The following PDE8B variants were observed in gnomAD, a reference collection of about 807,000 sequenced individuals.
PDE8B encodes the protein phosphodiesterase 8B, also known as high affinity cAMP-specific and IBMX-insensitive 3',5'-cyclic phosphodiesterase 8B.
In PDE8B, 26 loss-of-function variants were observed where a neutral mutation model predicts 101.3. That is an observed-to-expected ratio of 0.26 (90% CI 0.19 to 0.36). The LOEUF (loss-of-function observed/expected upper bound fraction) is 0.36, where lower values mean the gene tolerates loss of function less well. Ranked by LOEUF, PDE8B falls within the 10% of genes least tolerant of loss-of-function variation. PDE8B has a pLI of 1.00. For missense variants in PDE8B, 810 were observed against 1,163.1 expected (o/e 0.70, Z 4.42); for synonymous variants, 424 against 429.3 (o/e 0.99, Z 0.15).
chr5:77,386,328 T>G (rs2150862836), intron 10 of PDE8B, among the ~76,000 whole-genome samples: 1 of 152,330 alleles, frequency 6.6e-6, no homozygotes, highest in East Asian at 1.9e-4. Flanking sequence ...GTCCTGCATA[T>G]CCTTGTTAAT....
intron 1 of PDE8B, among the ~76,000 whole-genome samples, chr5:77,255,682 C>T (rs777479517): frequency 2.6e-5 from 4 of 152,204 alleles, no homozygotes; most frequent in Admixed American, 6.5e-5. Context: ...GCATTGCAGG[C>T]GGAGGTCAGT....
At chr5:77,088,176 T>A in the PDE8B span, 1 of 152,220 alleles carries the variant, frequency 6.6e-6, no homozygotes, top group African/African-American at 2.4e-5. Flanking sequence ...AAACCCCTTA[T>A]GGGAGGTGGA....
At chr5:77,176,104 G>A in the PDE8B span, among the ~76,000 whole-genome samples, 1 of 152,068 alleles carries the variant, frequency 6.6e-6, no homozygotes, top group Non-Finnish European at 1.5e-5. Context: ...CCATATCTTT[G>A]CTTGTTGAGT....
At chr5:77,149,184 A>G in the PDE8B span, among the ~76,000 whole-genome samples, 1 of 152,160 alleles carries the variant, frequency 6.6e-6, no homozygotes, top group African/African-American at 2.4e-5. Flanking sequence ...CATAAATGCA[A>G]GCGTTTATAT....
At chr5:77,423,652 T>TTTTTTTTTTTTTTTTTTTTTTTTTTG in intron 20 of PDE8B, among the ~76,000 whole-genome samples, 1 of 134,564 alleles carries the variant, frequency 7.4e-6, no homozygotes. Context: ...TTTTTTTTTT[T>TTTTTTTTTTTTTTTTTTTTTTTTTTG]TTTTTTTGAG....
chr5:77,334,561 T>C (rs1777758327), intron 5 of PDE8B, among the ~76,000 whole-genome samples: 2 of 152,224 alleles, frequency 1.3e-5, no homozygotes. Flanking sequence ...CAGTTCTCTG[T>C]GGAGAGGCCT....
the PDE8B span, among the ~76,000 whole-genome samples, chr5:77,156,903 G>A: frequency 3.9e-5 from 6 of 152,282 alleles, no homozygotes; most frequent in African/African-American, 1.4e-4. Flanking sequence ...ACAGGCTGGA[G>A]GATGGGAGAA....
chr5:77,233,833 G>A (rs899614332), intron 1 of PDE8B, among the ~76,000 whole-genome samples: 7 of 150,126 alleles, frequency 4.7e-5, no homozygotes, highest in African/African-American at 1.7e-4. Context: ...GAAAAAGTTT[G>A]ACTCTAGGCA....
chr5:77,255,827 C>T (rs757155102), intron 1 of PDE8B, among the ~76,000 whole-genome samples: 17 of 152,170 alleles, frequency 1.1e-4, no homozygotes, highest in Non-Finnish European at 1.5e-4. Flanking sequence ...GATCCGGGTA[C>T]GGGGTGTGTC....
chr5:77,373,701 A>G lies in PDE8B; in HGVS notation c.1167+20295A>G, dbSNP rs188413386. 4.0e-3 allele frequency among the ~76,000 whole-genome samples: 616 copies of G among 152,346 alleles called. 3 individuals carry two copies. Among genetic ancestry groups the G allele is most frequent in the Non-Finnish European group, 7.0e-3 (477 of 68,030 alleles). ...CTTATTGTAATAGCTTTATTGAAATATAATTTACGTACCATACAATGTATC... is the reference window on the plus strand; with the variant it reads ...CTTATTGTAATAGCTTTATTGAAATGTAATTTACGTACCATACAATGTATC... On this transcript the variant is annotated intron_variant, in intron 10 of 21. Transcript: ENST00000264917.
rs2149933809 is a variant in PDE8B, at chr5:77,290,348, TA to T, written c.340-21644del. 1.9e-5 allele frequency: 27 copies of T among 1,443,946 alleles called. No homozygotes were observed. The South Asian group carries it at 3.1e-4, about 17-fold the overall frequency. 89.4% of individuals were successfully genotyped at this position (1,443,946 alleles called of 1,614,324 possible). On this transcript the variant is annotated intron_variant, in intron 1 of 21. Coordinates refer to ENST00000264917, the MANE Select transcript of PDE8B (RefSeq NM_003719.5). ...TCCGAGAGGAAAATGAGGGCGTGTA[TA>T]ATGGAAGCTGGGGAGGCCGGGGAGA...
At chr5:77,170,159 T>C in the PDE8B span, among the ~76,000 whole-genome samples, 67 of 152,334 alleles carry the variant, frequency 4.4e-4, 1 homozygote, top group East Asian at 0.012. Flanking sequence ...TCCTCCATCA[T>C]ACCCAACTGA....
intron 2 of PDE8B, among the ~76,000 whole-genome samples, chr5:77,319,866 G>A (rs2359797): frequency 0.83 from 126,813 of 152,260 alleles, 53,182 homozygotes; most frequent in East Asian, 0.97. Flanking sequence ...ACTTCGTATC[G>A]TAACTTATAC....
At chr5:77,384,458 CTTTA>C (rs1288855618) in intron 10 of PDE8B, among the ~76,000 whole-genome samples, 2 of 152,076 alleles carry the variant, frequency 1.3e-5, no homozygotes, top group African/African-American at 4.8e-5. Context: ...ATTTGAATAC[CTTTA>C]TTTCTTTCTC....
At chr5:77,368,212 C>T (rs555936867) in intron 10 of PDE8B, among the ~76,000 whole-genome samples, 1 of 152,262 alleles carries the variant, frequency 6.6e-6, no homozygotes, top group Admixed American at 6.5e-5. Flanking sequence ...AAAGCCATTC[C>T]TCCTCTCCCA....
chr5:77,402,420 T>A (rs1792473459), intron 11 of PDE8B, among the ~76,000 whole-genome samples: 1 of 152,238 alleles, frequency 6.6e-6, no homozygotes, highest in African/African-American at 2.4e-5. Context: ...TTTATAATAG[T>A]TCCGCTTTCA....
the PDE8B span, among the ~76,000 whole-genome samples, chr5:77,169,208 T>C: frequency 2.6e-5 from 4 of 152,230 alleles, no homozygotes; most frequent in African/African-American, 9.6e-5. Flanking sequence ...GTGTTTCCCG[T>C]AGCACCAACA....
At chr5:77,391,921 A>G (rs1432854974) in intron 10 of PDE8B, among the ~76,000 whole-genome samples, 3 of 152,254 alleles carry the variant, frequency 2.0e-5, no homozygotes, top group African/African-American at 4.8e-5. Flanking sequence ...ACAATTTGCA[A>G]GGCAAAAGTT....
the PDE8B span, among the ~76,000 whole-genome samples, chr5:77,120,541 G>A: frequency 6.6e-6 from 1 of 152,184 alleles, no homozygotes; most frequent in Non-Finnish European, 1.5e-5. Context: ...AAATAGATTA[G>A]TAGATGGATA....
Sources: gnomAD v4.1 joint callset for allele counts (sites outside exome capture counted in the v4.1 genomes callset) on GRCh38, gnomAD v4.1.1 for gene constraint, MANE v1.5 for transcripts, NCBI Gene and HGNC (gene_info 2026-07-23, HGNC 2026-07-21) for gene names.